Variants in CA13 observed in about 807,000 individuals in gnomAD.
CA13 encodes CA-XIII.
A neutral mutation model predicts 31.5 loss-of-function variants in CA13; 21 were observed. That is an observed-to-expected ratio of 0.67 (90% CI 0.47 to 0.96). CA13 has a LOEUF of 0.96. CA13 is among the 40% of genes least tolerant of loss of function. The probability of loss-of-function intolerance (pLI) is 0.00; values close to 1 mark genes in which losing one functional copy is unlikely to be tolerated. For synonymous variants in CA13, 117 were observed against 111.4 expected (o/e 1.05, Z -0.32); for missense variants, 315 against 318.9 (o/e 0.99, Z 0.09).
At chr8:85,251,010 T>TC (rs1813818437) in intron 2 of CA13, 73 bp downstream of exon 2, 1 of 1,283,778 alleles carries the variant, frequency 7.8e-7, no homozygotes, top group East Asian at 2.3e-5. Context: ...TCTTTTTTTT[T>TC]TTTTTTTTTT....
At chr8:85,247,163 G>A (rs1813747371) in intron 1 of CA13, among the ~76,000 whole-genome samples, 2 of 152,124 alleles carry the variant, frequency 1.3e-5, no homozygotes, top group Non-Finnish European at 2.9e-5. Context: ...ATGTTTAGGG[G>A]GAAAATATGA....
intron 3 of CA13, among the ~76,000 whole-genome samples, chr8:85,265,432 T>A (rs1469815178): frequency 6.6e-6 from 1 of 152,232 alleles, no homozygotes; most frequent in Admixed American, 6.5e-5. Flanking sequence ...ACCGTATTGC[T>A]TGCAATGGTA....
chr8:85,253,739 A>G (rs894909197), intron 2 of CA13, among the ~76,000 whole-genome samples: 1 of 152,184 alleles, frequency 6.6e-6, no homozygotes, highest in Non-Finnish European at 1.5e-5. Context: ...TAAGCCAGGC[A>G]TGCTGACACA....
rs1813709222 is a variant in CA13, at chr8:85,245,653, C to A, written c.-176C>A. ...CGGCGCGGGCGCCTTCCCCGCACGC[C>A]TCTGCCGTCTGGAGGACGCAGGCGG... On this transcript the variant is annotated 5_prime_UTR_variant, in exon 1 of 7. Transcript: ENST00000321764. 2.9e-6 allele frequency: 2 copies of A among 689,738 alleles called. No individual in the cohort carries two copies. The highest frequency in any genetic ancestry group is 5.0e-6 in the Non-Finnish European group (2 of 399,704). The allele number at this position is 689,738 out of a possible 1,614,324, so 42.7% of individuals were successfully genotyped here.
intron 4 of CA13, chr8:85,267,307 G>C: frequency 1.0e-6 from 1 of 985,812 alleles, no homozygotes; most frequent in East Asian, 1.1e-4. Flanking sequence ...CTTGCCTTTG[G>C]ACACCAAGTA....
At chr8:85,274,873 A>T (rs1807579854) in intron 6 of CA13, among the ~76,000 whole-genome samples, 1 of 152,156 alleles carries the variant, frequency 6.6e-6, no homozygotes, top group African/African-American at 2.4e-5. Context: ...ACCTCCAAGG[A>T]TCGTTTTTCT....
At chr8:85,272,923 T>C (rs894099903) in intron 6 of CA13, among the ~76,000 whole-genome samples, 1 of 152,198 alleles carries the variant, frequency 6.6e-6, no homozygotes, top group Non-Finnish European at 1.5e-5. Context: ...GTTCAAGAGA[T>C]TCTCCTGCCT....
intron 1 of CA13, 22 bp from the exon 2 acceptor site, chr8:85,250,717 TC>T: frequency 6.7e-7 from 1 of 1,484,496 alleles, no homozygotes; most frequent in Non-Finnish European, 9.4e-7. Context: ...TTAATCCTTT[TC>T]TTTTGGTCCT....
At chr8:85,258,083 C>A (rs369188915) in intron 2 of CA13, among the ~76,000 whole-genome samples, 8 of 151,228 alleles carry the variant, frequency 5.3e-5, no homozygotes, top group East Asian at 1.9e-4. Flanking sequence ...CCAGGCTGGT[C>A]TTGAACTCCT....
chr8:85,265,650 A>G (rs1005128138), intron 3 of CA13, among the ~76,000 whole-genome samples: 1 of 152,108 alleles, frequency 6.6e-6, no homozygotes, highest in African/African-American at 2.4e-5. Flanking sequence ...AAGTATCTAA[A>G]CATATTCATA....
intron 6 of CA13, among the ~76,000 whole-genome samples, chr8:85,275,895 G>A (rs1438525839): frequency 6.6e-6 from 1 of 152,230 alleles, no homozygotes; most frequent in Non-Finnish European, 1.5e-5. Context: ...AGGTGACAGC[G>A]TGCTGGCAGT....
chr8:85,254,708 AT>A (rs753098494), intron 2 of CA13, among the ~76,000 whole-genome samples: 1 of 148,136 alleles, frequency 6.8e-6, no homozygotes, highest in Non-Finnish European at 1.5e-5. Flanking sequence ...ACCAAAAGAG[AT>A]TGTTTCATGG....
At chr8:85,267,420 G>A (rs1564003253) in intron 4 of CA13, 5 of 490,896 alleles carry the variant, frequency 1.0e-5, no homozygotes, top group Admixed American at 6.4e-5. Context: ...AATTTATGAT[G>A]AGTTTGCTTA....
chr8:85,251,154 A>G lies in CA13; in HGVS notation c.235+217A>G, dbSNP rs1475117324. Reference sequence around the variant, plus strand: ...GTAACTGGGATTACAGGCGCACGCCACTATACCCAGCTACTTTTTTTGTAT... The same window carrying G: ...GTAACTGGGATTACAGGCGCACGCCGCTATACCCAGCTACTTTTTTTGTAT... On this transcript the variant is annotated intron_variant, in intron 2 of 6. Coordinates refer to ENST00000321764, the MANE Select transcript of CA13 (RefSeq NM_198584.3). Among the ~76,000 whole-genome samples the G allele has an allele frequency of 7.9e-5, 12 of 152,224 alleles. No homozygotes were observed. The East Asian group carries it at 2.3e-3, about 29-fold the overall frequency.
chr8:85,266,765 G>A lies in CA13; in HGVS notation c.450+62G>A, dbSNP rs576700191. 143 of 1,248,880 alleles carry A rather than the reference G, an allele frequency of 1.1e-4. No homozygotes were observed. The African/African-American group carries it at 1.8e-3, about 16-fold the overall frequency. The allele number at this position is 1,248,880 out of a possible 1,614,324, so 77.4% of individuals were successfully genotyped here. ...TTGTTGAAGAAAGAGCTTCAGTCACGAAGTAGACATTCAACCATCTTGTTT... is the reference window on the plus strand; with the variant it reads ...TTGTTGAAGAAAGAGCTTCAGTCACAAAGTAGACATTCAACCATCTTGTTT... On this transcript the variant is annotated intron_variant, in intron 4 of 6. Coordinates refer to ENST00000321764, the MANE Select transcript of CA13 (RefSeq NM_198584.3).
At chr8:85,254,232 C>T (rs1807245486) in intron 2 of CA13, among the ~76,000 whole-genome samples, 1 of 148,292 alleles carries the variant, frequency 6.7e-6, no homozygotes, top group Admixed American at 6.8e-5. Context: ...GAGCCAAGAT[C>T]ATGCCACTGC....
intron 6 of CA13, among the ~76,000 whole-genome samples, chr8:85,271,620 A>G (rs1032080465): frequency 4.6e-5 from 7 of 152,208 alleles, no homozygotes; most frequent in Non-Finnish European, 7.3e-5. Context: ...CTGAAATTCA[A>G]TGTGCAAAAT....
At chr8:85,255,619 C>T (rs1054761551) in intron 2 of CA13, among the ~76,000 whole-genome samples, 1 of 152,140 alleles carries the variant, frequency 6.6e-6, no homozygotes, top group Admixed American at 6.5e-5. Context: ...CTCAAGTAAT[C>T]CACCCGCCTT....
intron 1 of CA13, 114 bp downstream of exon 1, chr8:85,245,979 G>C: frequency 1.6e-6 from 2 of 1,234,322 alleles, no homozygotes; most frequent in Non-Finnish European, 2.3e-6. Flanking sequence ...AAACTTTTTC[G>C]GTTCCTCTTT....
Sources: gnomAD v4.1 joint callset for allele counts (sites outside exome capture counted in the v4.1 genomes callset) on GRCh38, gnomAD v4.1.1 for gene constraint, MANE v1.5 for transcripts, NCBI Gene and HGNC (gene_info 2026-07-23, HGNC 2026-07-21) for gene names.